GABRB1: variants seen among roughly 807,000 people sequenced by gnomAD.
The protein encoded by GABRB1 is gamma-aminobutyric acid type A receptor subunit beta1.
In GABRB1, 17 loss-of-function variants were observed where a neutral mutation model predicts 51.6. The observed-to-expected ratio is 0.33, with a 90% CI of 0.23 to 0.49. The LOEUF (loss-of-function observed/expected upper bound fraction) is 0.49. Ranked by LOEUF, GABRB1 falls within the 20% of genes least tolerant of loss-of-function variation. The probability of loss-of-function intolerance (pLI) is 0.99; values close to 1 mark genes in which losing one functional copy is unlikely to be tolerated. For missense variants in GABRB1, 410 were observed against 600.6 expected (o/e 0.68, Z 3.32); for synonymous variants, 247 against 218.9 (o/e 1.13, Z -1.14).
At chr4:47,193,019 C>A (rs1370849647) in intron 4 of GABRB1, among the ~76,000 whole-genome samples, 2 of 152,220 alleles carry the variant, frequency 1.3e-5, no homozygotes, top group African/African-American at 4.8e-5. Flanking sequence ...TCAGAGCCTG[C>A]ATGCCTAACC....
At chr4:47,032,089 A>AGGCATGTCATTTTCGT in intron 2 of GABRB1, 84 bp downstream of exon 2, 1 of 924,824 alleles carries the variant, frequency 1.1e-6, no homozygotes, top group Non-Finnish European at 1.7e-6. Flanking sequence ...AAAAAAAAGA[A>AGGCATGTCATTTTCGT]AAGGCATGTC....
chr4:47,124,562 T>C (rs1338977778), intron 3 of GABRB1, among the ~76,000 whole-genome samples: 1 of 152,118 alleles, frequency 6.6e-6, no homozygotes, highest in Non-Finnish European at 1.5e-5. Flanking sequence ...TTCTAAATAA[T>C]TGCTTCAAGG....
intron 5 of GABRB1, among the ~76,000 whole-genome samples, chr4:47,354,177 A>G (rs1335498757): frequency 6.6e-6 from 1 of 152,218 alleles, no homozygotes; most frequent in Non-Finnish European, 1.5e-5. Context: ...GGCAGCCCTC[A>G]ACATGACCTA....
At chr4:47,412,635 G>T (rs1019915655) in intron 8 of GABRB1, among the ~76,000 whole-genome samples, 1 of 152,052 alleles carries the variant, frequency 6.6e-6, no homozygotes, top group Non-Finnish European at 1.5e-5. Context: ...TTGTCTCAAC[G>T]CCAAGGAAAT....
chr4:47,364,143 A>T (rs1458310527), intron 5 of GABRB1, among the ~76,000 whole-genome samples: 2 of 152,232 alleles, frequency 1.3e-5, no homozygotes, highest in East Asian at 3.8e-4. Context: ...GACTTAGACC[A>T]ACAGAGAAGA....
chr4:47,382,556 T>C (rs1727631127), intron 5 of GABRB1, among the ~76,000 whole-genome samples: 2 of 152,364 alleles, frequency 1.3e-5, no homozygotes, highest in South Asian at 4.1e-4. Flanking sequence ...GCACAGATTA[T>C]TGGCCCCATT....
chr4:47,378,295 GTGCTAAGCCCC>G (rs1727462189), intron 5 of GABRB1, among the ~76,000 whole-genome samples: 1 of 152,214 alleles, frequency 6.6e-6, no homozygotes, highest in Non-Finnish European at 1.5e-5. Flanking sequence ...GCTGGCCTAG[GTGCTAAGCCCC>G]TCATTGCCTG....
intron 1 of GABRB1, among the ~76,000 whole-genome samples, chr4:47,009,910 G>A (rs1273901436): frequency 6.6e-6 from 1 of 152,186 alleles, no homozygotes; most frequent in Admixed American, 6.5e-5. Flanking sequence ...TCCAAATTCA[G>A]TATTTTTTAA....
intron 3 of GABRB1, among the ~76,000 whole-genome samples, chr4:47,139,936 A>T (rs990522920): frequency 6.6e-6 from 1 of 152,044 alleles, no homozygotes; most frequent in African/African-American, 2.4e-5. Flanking sequence ...AAAAGTACAT[A>T]TAATTTAAAA....
chr4:47,390,467 A>G (rs1043814406), intron 5 of GABRB1, among the ~76,000 whole-genome samples: 2 of 152,250 alleles, frequency 1.3e-5, no homozygotes, highest in Non-Finnish European at 2.9e-5. Context: ...CATCCAAAAT[A>G]GAGTGTTTCA....
At chr4:47,358,026 A>G (rs1726650757) in intron 5 of GABRB1, among the ~76,000 whole-genome samples, 1 of 152,162 alleles carries the variant, frequency 6.6e-6, no homozygotes, top group Non-Finnish European at 1.5e-5. Flanking sequence ...TTAAAACCTC[A>G]TCACACCCCC....
intron 5 of GABRB1, among the ~76,000 whole-genome samples, chr4:47,350,066 C>T (rs1472698905): frequency 1.3e-5 from 2 of 151,508 alleles, no homozygotes; most frequent in African/African-American, 2.4e-5. Flanking sequence ...AGCAAAGTGA[C>T]TGCAATATGC....
intron 3 of GABRB1, among the ~76,000 whole-genome samples, chr4:47,096,207 A>G (rs1714423225): frequency 1.3e-5 from 2 of 152,068 alleles, no homozygotes; most frequent in Admixed American, 1.3e-4. Context: ...TCCAAACCCT[A>G]TATTGCTTTT....
At chr4:47,006,929 T>C (rs1577818436) in intron 1 of GABRB1, among the ~76,000 whole-genome samples, 1 of 151,910 alleles carries the variant, frequency 6.6e-6, no homozygotes, top group Non-Finnish European at 1.5e-5. Context: ...CTGAGGCAGG[T>C]GGATCGCTAG....
chr4:47,392,502 C>G (rs1303820560), intron 5 of GABRB1, among the ~76,000 whole-genome samples: 1 of 152,096 alleles, frequency 6.6e-6, no homozygotes, highest in Non-Finnish European at 1.5e-5. Flanking sequence ...ACCACCACGC[C>G]CAGCTAATTT....
chr4:47,172,282 T>C (rs1718471636), intron 4 of GABRB1, among the ~76,000 whole-genome samples: 1 of 152,216 alleles, frequency 6.6e-6, no homozygotes, highest in Admixed American at 6.5e-5. Context: ...CTTATTTTTG[T>C]ATATCAATCT....
intron 5 of GABRB1, among the ~76,000 whole-genome samples, chr4:47,340,441 G>T (rs1725842668): frequency 6.6e-6 from 1 of 152,016 alleles, no homozygotes; most frequent in Non-Finnish European, 1.5e-5. Flanking sequence ...TACCTTCGAG[G>T]GGGTAGGTTA....
At chr4:47,077,541 G>C (rs904832923) in intron 3 of GABRB1, among the ~76,000 whole-genome samples, 1 of 151,868 alleles carries the variant, frequency 6.6e-6, no homozygotes, top group Non-Finnish European at 1.5e-5. Flanking sequence ...CAATCAGCAA[G>C]TTTTCCATTA....
chr4:47,062,739 A>G (rs898545650), intron 3 of GABRB1, among the ~76,000 whole-genome samples: 1 of 152,160 alleles, frequency 6.6e-6, no homozygotes, highest in Non-Finnish European at 1.5e-5. Context: ...GTCCTTAAGC[A>G]TGTCTCTTAA....
Sources: allele counts gnomAD v4.1 joint callset (sites outside exome capture counted in the v4.1 genomes callset), GRCh38; gene constraint gnomAD v4.1.1; transcripts MANE v1.5; gene names NCBI Gene and HGNC (gene_info 2026-07-23, HGNC 2026-07-21).